Variants in ATOSA observed in about 807,000 individuals in gnomAD.
ATOSA encodes atos homolog A.
the ATOSA span, among the ~76,000 whole-genome samples, chr15:52,583,390 G>GTCATTCAT: frequency 0.027 from 4,082 of 150,844 alleles, 101 homozygotes; most frequent in East Asian, 0.075. Context: ...TTCATACCAT[G>GTCATTCAT]TCATTCATTC....
the ATOSA span, among the ~76,000 whole-genome samples, chr15:52,603,202 G>A: frequency 6.6e-6 from 1 of 152,088 alleles, no homozygotes; most frequent in African/African-American, 2.4e-5. Context: ...AAGACAATAT[G>A]CAAATGGCCA....
At chr15:52,698,211 C>T in the ATOSA span, among the ~76,000 whole-genome samples, 7 of 151,606 alleles carry the variant, frequency 4.6e-5, no homozygotes, top group Non-Finnish European at 8.8e-5. Flanking sequence ...GATCTCCTGA[C>T]CTCATGATCT....
chr15:52,661,012 C>T, the ATOSA span, among the ~76,000 whole-genome samples: 1 of 152,160 alleles, frequency 6.6e-6, no homozygotes, highest in Non-Finnish European at 1.5e-5. Flanking sequence ...TACAGTAGCC[C>T]TTTAAGTAGG....
chr15:52,649,191 CAA>C, the ATOSA span, among the ~76,000 whole-genome samples: 1 of 152,016 alleles, frequency 6.6e-6, no homozygotes, highest in Non-Finnish European at 1.5e-5. Flanking sequence ...TTGTCAAGAC[CAA>C]AGTTTTGGCC....
the ATOSA span, among the ~76,000 whole-genome samples, chr15:52,594,981 TAC>T: frequency 6.6e-6 from 1 of 152,216 alleles, no homozygotes; most frequent in Non-Finnish European, 1.5e-5. Flanking sequence ...TCCCAACATA[TAC>T]AGAGTCCCAT....
chr15:52,694,130 G>A, the ATOSA span, among the ~76,000 whole-genome samples: 1 of 149,550 alleles, frequency 6.7e-6, no homozygotes, highest in African/African-American at 2.4e-5. Context: ...GAGTATGTGT[G>A]TGTGTGCGTG....
At chr15:52,584,836 C>A in the ATOSA span, 1 of 1,613,528 alleles carries the variant, frequency 6.2e-7, no homozygotes, top group African/African-American at 1.3e-5. Context: ...TTAACAGGTA[C>A]AGAAAAAGTT....
At chr15:52,674,322 A>G in the ATOSA span, among the ~76,000 whole-genome samples, 1 of 152,098 alleles carries the variant, frequency 6.6e-6, no homozygotes, top group Non-Finnish European at 1.5e-5. Flanking sequence ...AAGTGCTGGG[A>G]TCACAGGCAT....
At chr15:52,626,541 A>AAAAAG in the ATOSA span, among the ~76,000 whole-genome samples, 46 of 151,648 alleles carry the variant, frequency 3.0e-4, no homozygotes, top group African/African-American at 1.0e-3. Flanking sequence ...AAAAAAAAAA[A>AAAAAG]AGAGAGCGAG....
the ATOSA span, among the ~76,000 whole-genome samples, chr15:52,647,050 C>A: frequency 6.6e-6 from 1 of 152,166 alleles, no homozygotes; most frequent in Non-Finnish European, 1.5e-5. Flanking sequence ...GGGTTCTCCT[C>A]CCCTTTTGTC....
the ATOSA span, chr15:52,581,590 T>C: frequency 6.6e-6 from 1 of 152,628 alleles, no homozygotes; most frequent in African/African-American, 2.4e-5. Context: ...CTATGTGAGA[T>C]AGCAACCTGG....
the ATOSA span, among the ~76,000 whole-genome samples, chr15:52,623,514 G>C: frequency 6.6e-6 from 1 of 151,956 alleles, no homozygotes; most frequent in Non-Finnish European, 1.5e-5. Context: ...ACAGAGCCCT[G>C]GGGGACTCCA....
the ATOSA span, among the ~76,000 whole-genome samples, chr15:52,604,458 C>A: frequency 8.5e-5 from 13 of 152,262 alleles, no homozygotes; most frequent in East Asian, 9.6e-4. Flanking sequence ...ACGTTTGTGG[C>A]AAATTACACG....
At chr15:52,678,139 T>C in the ATOSA span, 1 of 1,277,240 alleles carries the variant, frequency 7.8e-7, no homozygotes, top group Non-Finnish European at 1.1e-6. Context: ...GAGACAAAAA[T>C]AAAATTAATC....
the ATOSA span, among the ~76,000 whole-genome samples, chr15:52,606,315 G>A: frequency 6.6e-5 from 10 of 152,036 alleles, no homozygotes; most frequent in African/African-American, 2.4e-4. Flanking sequence ...TAATTCTTAA[G>A]GACTGGAGAA....
chr15:52,601,869 A>C, the ATOSA span, among the ~76,000 whole-genome samples: 1 of 152,240 alleles, frequency 6.6e-6, no homozygotes, highest in Non-Finnish European at 1.5e-5. Flanking sequence ...AACAGATGAC[A>C]CTGAAAATTT....
At chr15:52,608,053 A>G in the ATOSA span, among the ~76,000 whole-genome samples, 1 of 152,012 alleles carries the variant, frequency 6.6e-6, no homozygotes, top group Non-Finnish European at 1.5e-5. Context: ...GCCAATTTTT[A>G]TTTATTTATT....
the ATOSA span, among the ~76,000 whole-genome samples, chr15:52,654,991 C>A: frequency 6.6e-6 from 1 of 151,926 alleles, no homozygotes; most frequent in East Asian, 1.9e-4. Context: ...ATGGGCCAGG[C>A]ATGATGCTAA....
chr15:52,620,741 G>GA, the ATOSA span, among the ~76,000 whole-genome samples: 1 of 151,054 alleles, frequency 6.6e-6, no homozygotes, highest in Non-Finnish European at 1.5e-5. Context: ...TTGAGCTCTG[G>GA]AATTCAAACC....
Sources: gnomAD v4.1 joint callset for allele counts (sites outside exome capture counted in the v4.1 genomes callset) on GRCh38, gnomAD v4.1.1 for gene constraint, MANE v1.5 for transcripts, NCBI Gene and HGNC (gene_info 2026-07-23, HGNC 2026-07-21) for gene names.